The following MIEF1 variants were observed in gnomAD, a reference collection of about 807,000 sequenced individuals.
MIEF1 encodes the protein mitochondrial dynamics protein MIEF1.
MIEF1 carries 14 observed loss-of-function variants against 35.1 expected under a neutral mutation model. The ratio of observed to expected loss-of-function variants is 0.40; its 90% CI spans 0.26 to 0.62. The LOEUF (loss-of-function observed/expected upper bound fraction) is 0.62, where lower values mean the gene tolerates loss of function less well. MIEF1 is among the 20% of genes least tolerant of loss of function. The probability of loss-of-function intolerance (pLI) is 0.43; values close to 1 mark genes in which losing one functional copy is unlikely to be tolerated. For synonymous variants in MIEF1, 245 were observed against 254.3 expected (o/e 0.96, Z 0.35); for missense variants, 542 against 615.4 (o/e 0.88, Z 1.26).
intron 2 of MIEF1, among the ~76,000 whole-genome samples, chr22:39,506,506 G>A (rs543908863): frequency 8.1e-4 from 123 of 152,300 alleles, no homozygotes; most frequent in African/African-American, 2.9e-3. Flanking sequence ...TCATGGGATT[G>A]TTGTTGTGAG....
chr22:39,505,382 CG>C (rs1929966876), intron 2 of MIEF1, among the ~76,000 whole-genome samples: 1 of 152,022 alleles, frequency 6.6e-6, no homozygotes, highest in South Asian at 2.1e-4. Flanking sequence ...TTTGTAGAGA[CG>C]GTCTTGCTAT....
rs183380679 is a variant in MIEF1, at chr22:39,515,102, T to C, written c.*779T>C. ...CTGGTTAAGGGCCTAGTGAAGGGTT[T>C]GTGTGCCCAGTGTCTGCTCGTCATC... On this transcript the variant is annotated 3_prime_UTR_variant, in exon 6 of 6. Transcript: ENST00000325301. The C allele has an allele frequency of 3.3e-6, 2 of 613,488 alleles. No homozygotes were observed. Among genetic ancestry groups the C allele is most frequent in the African/African-American group, 1.8e-5 (1 of 54,144 alleles). The allele number at this position is 613,488 out of a possible 1,614,324, so 38.0% of individuals were successfully genotyped here.
In MIEF1 at chr22:39,511,946, G is replaced by A; in HGVS notation, c.242G>A (p.Arg81Gln). 2 of 1,614,178 alleles carry A rather than the reference G, an allele frequency of 1.2e-6. No homozygotes were observed. Among genetic ancestry groups the A allele is most frequent in the East Asian group, 2.2e-5 (1 of 44,892 alleles). The change falls in exon 4 of 6, where the codon CGA becomes CAA. Residue 81 changes from arginine (R) to glutamine (Q), a missense_variant. Arg to Gln is a conservative substitution (Grantham distance 43). Coordinates refer to ENST00000325301, the MANE Select transcript of MIEF1 (RefSeq NM_019008.6). ...WEEPNWMGSPRLLNRDMKTGL... is the reference protein window; with the variant it reads ...WEEPNWMGSPQLLNRDMKTGL... ...GAACCCAACTGGATGGGCTCCCCACGACTGCTGAACAGGGACATGAAGACG... is the reference window on the plus strand; with the variant it reads ...GAACCCAACTGGATGGGCTCCCCACAACTGCTGAACAGGGACATGAAGACG...
Position 39,512,016 on chromosome 22 carries a change from C to T in MIEF1, c.312C>T (p.Thr104=). ...AGACCCTTCCCACAGACTCCTCCAC[C>T]TTCGACACAGGTGAGAAGGGCTGCT... is the stretch of plus-strand genomic sequence containing the variant. ...SLQTLPTDSS[T]FDTDTFCPPR... The change falls in exon 4 of 6, where the codon ACC becomes ACT. Residue 104 remains threonine (T), a synonymous_variant. Transcript: ENST00000325301. The T allele has an allele frequency of 6.2e-7, 1 of 1,612,896 alleles. No homozygotes were observed. Among genetic ancestry groups the T allele is most frequent in the Non-Finnish European group, 8.5e-7 (1 of 1,179,490 alleles).
At chr22:39,504,773 C>G (rs114831155) in intron 2 of MIEF1, 2,617 of 192,094 alleles carry the variant, frequency 0.014, 76 homozygotes, top group African/African-American at 0.058. Context: ...AGAATGAGAC[C>G]CTGTCTCTGG....
Position 39,514,025 on chromosome 22 carries a change from A to C in MIEF1, c.1094A>C (p.Lys365Thr), listed in dbSNP as rs781336501. 8.1e-6 allele frequency: 13 copies of C among 1,613,768 alleles called. No homozygotes were observed. The highest frequency in any genetic ancestry group is 1.1e-5 in the Non-Finnish European group (13 of 1,180,034). The change falls in exon 6 of 6, where the codon AAG becomes ACG. Residue 365 changes from lysine to threonine, a missense_variant. Coordinates refer to ENST00000325301, the MANE Select transcript of MIEF1 (RefSeq NM_019008.6). The stretch of plus-strand genomic sequence containing the variant: ...TCGGGCTGCCGATCTCTGTGCCTCA[A>C]GATCCTCAAGGCCATATGCAAGTCC... The part of the protein sequence containing the change: ...ADSGCRSLCL[K>T]ILKAICKSTP...
chr22:39,505,148 C>T (rs572246483), intron 2 of MIEF1, among the ~76,000 whole-genome samples: 11 of 150,872 alleles, frequency 7.3e-5, no homozygotes, highest in Non-Finnish European at 1.0e-4. Flanking sequence ...GAACCAAGAT[C>T]GCGCCACTGC....
rs199993786 is a variant in MIEF1 at position 39,513,535 on chromosome 22, A to G, written c.604A>G (p.Ile202Val). 5.5e-5 allele frequency: 88 copies of G among 1,614,030 alleles called. No homozygotes were observed. Among genetic ancestry groups the G allele is most frequent in the Non-Finnish European group, 7.1e-5 (84 of 1,179,974 alleles). ...CTGACAGGTGGTGACAGCTGACCAC[A>G]TCCAACTCATTGTGCCCCTTGTGCT... The part of the protein sequence containing the change: ...DDLQVVTADH[I>V]QLIVPLVLEQ... Residue 202 changes from isoleucine to valine, a missense_variant, in exon 6 of 6, where the codon ATC (isoleucine) becomes GTC (valine). Physicochemically the swap from Ile to Val is conservative, Grantham distance 29. Coordinates refer to ENST00000325301, the MANE Select transcript of MIEF1 (RefSeq NM_019008.6).
chr22:39,500,818 C>T (rs566072653), upstream of MIEF1, among the ~76,000 whole-genome samples: 1 of 152,072 alleles, frequency 6.6e-6, no homozygotes, highest in African/African-American at 2.4e-5. Context: ...CCTCAGCCTC[C>T]CAAGTAACTG....
chr22:39,504,337 G>A lies in MIEF1; in HGVS notation c.-205G>A, dbSNP rs567385177. ...CGAGACTTCTACTTTGCCTCCATCCGCCGTGAATTCCGAAAAAATCAGAAG... is the reference window on the plus strand; with the variant it reads ...CGAGACTTCTACTTTGCCTCCATCCACCGTGAATTCCGAAAAAATCAGAAG... On this transcript the variant is annotated 5_prime_UTR_variant, in exon 2 of 6. Coordinates refer to ENST00000325301, the MANE Select transcript of MIEF1 (RefSeq NM_019008.6). 3.5e-5 allele frequency: 14 copies of A among 399,012 alleles called. No homozygotes were observed. Among genetic ancestry groups the A allele is most frequent in the Middle Eastern group, 6.3e-4 (1 of 1,588 alleles). The allele number at this position is 399,012 out of a possible 1,614,324, so 24.7% of individuals were successfully genotyped here.
At chr22:39,501,602 G>A (rs1305364972), upstream of MIEF1, 6 of 152,404 alleles carry the variant, frequency 3.9e-5, no homozygotes, top group East Asian at 9.6e-4. Flanking sequence ...TCTAGTGAGA[G>A]ACAGAGAAGC....
chr22:39,504,834 G>A (rs988791418), intron 2 of MIEF1: 1 of 156,498 alleles, frequency 6.4e-6, no homozygotes, highest in African/African-American at 2.4e-5. Flanking sequence ...ATGAGAAATA[G>A]AGGTTTACCA....
Position 39,513,805 on chromosome 22 carries a change from C to A in MIEF1, c.874C>A (p.Pro292Thr), listed in dbSNP as rs1489805689. ...GGACTATGTGATCCGCCCGGCCCCA[C>A]CCCCAGAAGCCCTCACACTGGAGGT... Reference protein sequence around the residue: ...LLDYVIRPAPPPEALTLEVQY... With the variant: ...LLDYVIRPAPTPEALTLEVQY... The change falls in exon 6 of 6, where the codon CCC becomes ACC. Residue 292 changes from proline (P) to threonine (T), a missense_variant. Pro to Thr is a conservative substitution (Grantham distance 38, BLOSUM62 -1). Transcript: ENST00000325301. 2 of 1,614,108 alleles carry A rather than the reference C, an allele frequency of 1.2e-6. No individual in the cohort carries two copies. Among genetic ancestry groups the A allele is most frequent in the Non-Finnish European group, 1.7e-6 (2 of 1,180,038 alleles).
Position 39,515,623 on chromosome 22 carries a change from C to T in MIEF1, c.*1300C>T. 2.1e-6 allele frequency: 1 copy of T among 481,920 alleles called. No individual in the cohort carries two copies. Among genetic ancestry groups the T allele is most frequent in the Non-Finnish European group, 3.7e-6 (1 of 271,486 alleles). The allele number at this position is 481,920 out of a possible 1,614,324, so 29.9% of individuals were successfully genotyped here. On this transcript the variant is annotated 3_prime_UTR_variant, in exon 6 of 6. Transcript: ENST00000325301. ...CATTTCCTACATTCCTCCTTGTTTG[C>T]CGCTGCTGAGATTGCAGTATTTATT...
chr22:39,510,447 A>C (rs1331051148), intron 2 of MIEF1, among the ~76,000 whole-genome samples: 1 of 151,778 alleles, frequency 6.6e-6, no homozygotes, highest in Non-Finnish European at 1.5e-5. Context: ...TTTATCTTTT[A>C]CTTTTGGAGA....
chr22:39,511,577 A>G, intron 3 of MIEF1, 139 bp downstream of exon 3: 3 of 1,308,142 alleles, frequency 2.3e-6, no homozygotes, highest in South Asian at 3.3e-5. Flanking sequence ...TTTCAAAAGT[A>G]TGTATAGAGT....
chr22:39,514,376 A>G lies in MIEF1; in HGVS notation c.*53A>G. 1 of 1,578,762 alleles carries G rather than the reference A, an allele frequency of 6.3e-7. No homozygotes were observed. Among genetic ancestry groups the G allele is most frequent in the Non-Finnish European group, 8.6e-7 (1 of 1,157,728 alleles). On this transcript the variant is annotated 3_prime_UTR_variant, in exon 6 of 6. Coordinates refer to ENST00000325301, the MANE Select transcript of MIEF1 (RefSeq NM_019008.6). ...GTGGTCAGGCCCTGGATTCTCCGTT[A>G]GATACACTTGGCTACCTAGTTGGTG...
At position 39,514,344 on chromosome 22, in the gene MIEF1, G is replaced by T; in HGVS notation, c.*21G>T. 1.2e-6 allele frequency: 2 copies of T among 1,608,486 alleles called. No homozygotes were observed. Among genetic ancestry groups the T allele is most frequent in the South Asian group, 1.1e-5 (1 of 90,838 alleles). On this transcript the variant is annotated 3_prime_UTR_variant, in exon 6 of 6. Coordinates refer to ENST00000325301, the MANE Select transcript of MIEF1 (RefSeq NM_019008.6). ...CGTAGGGCAGGTGAAGGCCAAAGCG[G>T]GTGTTGGTGGTCAGGCCCTGGATTC...
At position 39,511,314 on chromosome 22, in the gene MIEF1, G is replaced by A. The variant is rs760871767; in HGVS notation, c.20G>A (p.Arg7His). MAGAGE[R>H]KGKKDDNGIG... The stretch of plus-strand genomic sequence containing the variant: ...TGAGCAATGGCAGGCGCTGGTGAGC[G>A]CAAAGGCAAGAAGGATGACAATGGC... Residue 7 changes from arginine (R) to histidine (H), a missense_variant, in exon 3 of 6, where the codon CGC becomes CAC. Physicochemically the swap from Arg to His is conservative, Grantham distance 29. Transcript: ENST00000325301. The A allele has an allele frequency of 1.2e-6, 2 of 1,613,546 alleles. No individual in the cohort carries two copies. Among genetic ancestry groups the A allele is most frequent in the Non-Finnish European group, 1.7e-6 (2 of 1,179,836 alleles).
Sources: gnomAD v4.1 joint callset for allele counts (sites outside exome capture counted in the v4.1 genomes callset) on GRCh38, gnomAD v4.1.1 for gene constraint, MANE v1.5 for transcripts, NCBI Gene and HGNC (gene_info 2026-07-23, HGNC 2026-07-21) for gene names.